The following PPP3R1 variants were observed in gnomAD, a reference collection of about 807,000 sequenced individuals.
The protein encoded by PPP3R1 is protein phosphatase 3 regulatory subunit B, alpha.
Under a neutral mutation model 22.6 loss-of-function variants are expected in PPP3R1, and 5 were observed. The observed-to-expected ratio is 0.22, with a 90% CI of 0.12 to 0.46. The LOEUF is 0.46. PPP3R1 is among the 20% of genes least tolerant of loss of function. The pLI, the probability that PPP3R1 is intolerant of heterozygous loss-of-function variation, is 0.99. For missense variants in PPP3R1, 61 were observed against 203.2 expected (o/e 0.30, Z 4.25); for synonymous variants, 56 against 65.2 (o/e 0.86, Z 0.68).
intron 1 of PPP3R1, among the ~76,000 whole-genome samples, chr2:68,221,599 A>AT (rs1669690001): frequency 6.6e-6 from 1 of 152,206 alleles, no homozygotes; most frequent in African/African-American, 2.4e-5. Context: ...TAAAGAAATA[A>AT]TGGCCCCAAA....
chr2:68,226,910 T>C (rs1669793699), intron 1 of PPP3R1, among the ~76,000 whole-genome samples: 1 of 152,102 alleles, frequency 6.6e-6, no homozygotes, highest in African/African-American at 2.4e-5. Flanking sequence ...CTTTTTATAA[T>C]GAGTATTAAG....
At chr2:68,221,843 TA>T (rs886203330) in intron 1 of PPP3R1, among the ~76,000 whole-genome samples, 76 of 145,670 alleles carry the variant, frequency 5.2e-4, no homozygotes, top group Admixed American at 1.0e-3. Context: ...TTAAAGTGTT[TA>T]AAAAAAAAAA....
At chr2:68,241,072 G>A (rs369651850) in intron 1 of PPP3R1, among the ~76,000 whole-genome samples, 2 of 152,092 alleles carry the variant, frequency 1.3e-5, no homozygotes, top group African/African-American at 4.8e-5. Context: ...ATCTCTAGAC[G>A]CTCTACAGTG....
chr2:68,214,965 C>T (rs569293727), intron 2 of PPP3R1, among the ~76,000 whole-genome samples: 1 of 152,216 alleles, frequency 6.6e-6, no homozygotes, highest in Admixed American at 6.5e-5. Flanking sequence ...CATAAAAACA[C>T]GAGATCGTGT....
chr2:68,250,653 T>C (rs1265363864), intron 1 of PPP3R1, among the ~76,000 whole-genome samples: 1 of 152,246 alleles, frequency 6.6e-6, no homozygotes. Flanking sequence ...TTTGTGACTT[T>C]CAGGTGCCAA....
intron 1 of PPP3R1, among the ~76,000 whole-genome samples, chr2:68,226,403 A>G (rs567084898): frequency 2.9e-4 from 44 of 152,330 alleles, no homozygotes; most frequent in Non-Finnish European, 5.6e-4. Flanking sequence ...TGCTTAATAC[A>G]TAATTTTAGT....
rs539851341 is a variant in PPP3R1, at chr2:68,190,955, G to A, written c.44-2265C>T. On this transcript the variant is annotated intron_variant, in intron 2 of 5. Transcript: ENST00000234310. Reference sequence around the variant, plus strand: ...AGTTAATTTGTACTTGCATTTTTAAGATCATTACTGTTTATGTTAATACTC... The same window carrying A: ...AGTTAATTTGTACTTGCATTTTTAAAATCATTACTGTTTATGTTAATACTC... Among the ~76,000 whole-genome samples the A allele has an allele frequency of 6.6e-5, 10 of 152,290 alleles. 1 individual carries two copies. The South Asian group carries it at 2.1e-3, about 32-fold the overall frequency.
chr2:68,214,080 C>CT (rs772251665), intron 2 of PPP3R1, among the ~76,000 whole-genome samples: 7 of 152,148 alleles, frequency 4.6e-5, no homozygotes, highest in Admixed American at 1.3e-4. Flanking sequence ...GCTGGGATAA[C>CT]TAACTATATG....
intron 1 of PPP3R1, among the ~76,000 whole-genome samples, chr2:68,248,725 C>T (rs1450855096): frequency 1.3e-5 from 2 of 152,178 alleles, no homozygotes; most frequent in East Asian, 3.8e-4. Context: ...TCCAACTCTG[C>T]CTACTGCAAC....
rs552676699 is a variant in PPP3R1 at position 68,227,891 on chromosome 2, T to G, written c.4-10760A>C. On this transcript the variant is annotated intron_variant, in intron 1 of 5. Transcript: ENST00000234310. ...TTGTAGATTTCTTGAAAATTTTCTA[T>G]GTAGATAGTCATACCATCTGCAAAC... Among the ~76,000 whole-genome samples the G allele has an allele frequency of 2.2e-4, 34 of 152,314 alleles. No homozygotes were observed. The South Asian group carries it at 2.7e-3, about 12-fold the overall frequency.
intron 1 of PPP3R1, among the ~76,000 whole-genome samples, chr2:68,230,750 T>G (rs1028920532): frequency 1.3e-5 from 2 of 152,202 alleles, no homozygotes; most frequent in Admixed American, 6.5e-5. Flanking sequence ...TGATTTCCCT[T>G]TCATTCCAGA....
chr2:68,186,469 G>A lies in PPP3R1; in HGVS notation c.464C>T (p.Ala155Val), dbSNP rs763680917. The change falls in exon 5 of 6, where the codon GCT becomes GTT. Residue 155 changes from alanine to valine, a missense_variant and splice_region_variant. Physicochemically the swap from Ala to Val is moderately conservative, Grantham distance 64. Coordinates refer to ENST00000234310, the MANE Select transcript of PPP3R1 (RefSeq NM_000945.4). ...AAGAACCAGCTCTTTTGTACTTACA[G>A]CACAGAATTCTTCAAAGGATATTCT... ...DGRISFEEFC[A>V]VVGGLDIHKK... 1.2e-6 allele frequency: 2 copies of A among 1,610,428 alleles called. No individual in the cohort carries two copies. Among genetic ancestry groups the A allele is most frequent in the Non-Finnish European group, 1.7e-6 (2 of 1,177,450 alleles).
chr2:68,242,508 C>G (rs1334558769), intron 1 of PPP3R1, among the ~76,000 whole-genome samples: 2 of 152,034 alleles, frequency 1.3e-5, no homozygotes, highest in Non-Finnish European at 2.9e-5. Flanking sequence ...AGCGTGACTG[C>G]CAGACAGCAA....
intron 2 of PPP3R1, among the ~76,000 whole-genome samples, chr2:68,202,792 A>ATT (rs71395958): frequency 0.1 from 8,343 of 80,994 alleles, 1,524 homozygotes; most frequent in Non-Finnish European, 0.11. Flanking sequence ...AGTTCAGGGA[A>ATT]TTTTTTTTTT....
chr2:68,203,847 G>C (rs1422837508), intron 2 of PPP3R1, among the ~76,000 whole-genome samples: 1 of 152,178 alleles, frequency 6.6e-6, no homozygotes. Context: ...GGCTAGAAGG[G>C]TTTCTACTGG....
intron 2 of PPP3R1, among the ~76,000 whole-genome samples, chr2:68,189,921 TAAG>T (rs1397054259): frequency 2.0e-5 from 3 of 151,826 alleles, no homozygotes; most frequent in African/African-American, 7.2e-5. Context: ...AAAAGAAAAT[TAAG>T]AAGGCAAATG....
At chr2:68,225,200 G>C (rs1669760581) in intron 1 of PPP3R1, among the ~76,000 whole-genome samples, 1 of 152,218 alleles carries the variant, frequency 6.6e-6, no homozygotes, top group Admixed American at 6.5e-5. Flanking sequence ...TTTTGCACAT[G>C]TAATTAAGGT....
intron 1 of PPP3R1, among the ~76,000 whole-genome samples, chr2:68,243,711 A>C (rs1670175856): frequency 6.6e-6 from 1 of 152,176 alleles, no homozygotes. Context: ...TTACCTAATT[A>C]GATTTATCAA....
intron 2 of PPP3R1, among the ~76,000 whole-genome samples, chr2:68,211,606 G>A (rs1669489407): frequency 6.6e-6 from 1 of 152,064 alleles, no homozygotes; most frequent in Non-Finnish European, 1.5e-5. Flanking sequence ...TTTCATAAAA[G>A]ATTTTTCTGT....
Sources: allele counts gnomAD v4.1 joint callset (sites outside exome capture counted in the v4.1 genomes callset), GRCh38; gene constraint gnomAD v4.1.1; transcripts MANE v1.5; gene names NCBI Gene and HGNC (gene_info 2026-07-23, HGNC 2026-07-21).